BACH2: variants seen among roughly 807,000 people sequenced by gnomAD.
BACH2 encodes the protein BACH transcriptional regulator 2.
In BACH2, 5 loss-of-function variants were observed where a neutral mutation model predicts 61.8. That is an observed-to-expected ratio of 0.08 (90% CI 0.04 to 0.17). The LOEUF is 0.17. Ranked by LOEUF, BACH2 falls within the 10% of genes least tolerant of loss-of-function variation. The pLI, the probability that BACH2 is intolerant of heterozygous loss-of-function variation, is 1.00. For synonymous variants in BACH2, 446 were observed against 440.1 expected (o/e 1.01, Z -0.17); for missense variants, 824 against 1,091.1 (o/e 0.76, Z 3.45).
intron 2 of BACH2, among the ~76,000 whole-genome samples, chr6:90,254,231 T>C (rs1423156583): frequency 3.3e-5 from 5 of 151,350 alleles, no homozygotes; most frequent in Non-Finnish European, 5.9e-5. Context: ...AGTTGATGAA[T>C]AGAAATAAAT....
intron 4 of BACH2, among the ~76,000 whole-genome samples, chr6:90,199,248 C>T (rs1374987991): frequency 6.6e-6 from 1 of 152,098 alleles, no homozygotes; most frequent in Non-Finnish European, 1.5e-5. Flanking sequence ...AAAGAGAGAA[C>T]AACGGAAATG....
At chr6:90,194,021 A>C (rs930361936) in intron 4 of BACH2, among the ~76,000 whole-genome samples, 2 of 152,208 alleles carry the variant, frequency 1.3e-5, no homozygotes, top group Non-Finnish European at 2.9e-5. Context: ...AACAAGTCAC[A>C]ATGTCAAAGT....
chr6:90,046,805 CT>C (rs35251573), intron 5 of BACH2, among the ~76,000 whole-genome samples: 118 of 147,496 alleles, frequency 8.0e-4, no homozygotes, highest in African/African-American at 1.1e-3. Context: ...AATTTGGTGA[CT>C]TTTTTTTTTT....
chr6:89,932,931 G>A, intron 8 of BACH2, 41 bp from the exon 9 acceptor site: 1 of 1,522,358 alleles, frequency 6.6e-7, no homozygotes, highest in Non-Finnish European at 8.8e-7. Flanking sequence ...GATCAAGCCT[G>A]AACTGGAGGA....
chr6:90,256,659 TACA>T (rs1299113580), intron 2 of BACH2, among the ~76,000 whole-genome samples: 7 of 152,252 alleles, frequency 4.6e-5, no homozygotes, highest in African/African-American at 1.7e-4. Flanking sequence ...ATTTATGGTA[TACA>T]ACGTGATGTT....
At chr6:90,251,695 T>C (rs998547489) in intron 3 of BACH2, among the ~76,000 whole-genome samples, 3 of 152,190 alleles carry the variant, frequency 2.0e-5, no homozygotes, top group African/African-American at 7.2e-5. Context: ...GGGTGACTAA[T>C]GAAGATGCAA....
intron 5 of BACH2, among the ~76,000 whole-genome samples, chr6:90,048,094 C>T (rs1000653665): frequency 2.6e-5 from 4 of 151,880 alleles, no homozygotes; most frequent in Admixed American, 6.6e-5. Flanking sequence ...GTATAATAAC[C>T]GAGATTAGTT....
chr6:90,287,924 G>T (rs1772070506), intron 1 of BACH2, among the ~76,000 whole-genome samples: 1 of 152,162 alleles, frequency 6.6e-6, no homozygotes, highest in African/African-American at 2.4e-5. Flanking sequence ...ACTAGTTGAG[G>T]GGACTGGGTG....
intron 4 of BACH2, among the ~76,000 whole-genome samples, chr6:90,143,284 A>C (rs1196072119): frequency 6.6e-6 from 1 of 152,142 alleles, no homozygotes; most frequent in Non-Finnish European, 1.5e-5. Context: ...ATTAATAGTA[A>C]CATCGATGAC....
At chr6:90,002,508 C>A (rs1206434475) in intron 6 of BACH2, among the ~76,000 whole-genome samples, 1 of 152,164 alleles carries the variant, frequency 6.6e-6, no homozygotes, top group Admixed American at 6.5e-5. Context: ...TGGTGGCTCA[C>A]GCCTTAATCC....
intron 6 of BACH2, among the ~76,000 whole-genome samples, chr6:89,989,027 T>A (rs181288183): frequency 6.6e-6 from 1 of 152,208 alleles, no homozygotes; most frequent in Non-Finnish European, 1.5e-5. Context: ...ATGCTGTGCA[T>A]TGAGCAGTGG....
Position 89,929,628 on chromosome 6 carries a change from G to A in BACH2, c.*2780C>T, listed in dbSNP as rs1772529255. On this transcript the variant is annotated 3_prime_UTR_variant, in exon 9 of 9. Transcript: ENST00000257749. ...GAAGAGGAAGAAAAGCAAGGCAGGG[G>A]TGGGTGGGAGGAAGGTGAGGTCTGA... The A allele has an allele frequency of 6.6e-6, 1 of 152,370 alleles. No individual in the cohort carries two copies. The highest frequency in any genetic ancestry group is 1.5e-5 in the Non-Finnish European group (1 of 68,058). The allele number at this position is 152,370 out of a possible 1,614,324, so 9.4% of individuals were successfully genotyped here. A position where few individuals can be genotyped will look rare whatever the true frequency, so the allele number is the denominator to read the frequency against.
At chr6:90,250,609 C>T (rs1203791109) in intron 3 of BACH2, among the ~76,000 whole-genome samples, 1 of 152,114 alleles carries the variant, frequency 6.6e-6, no homozygotes, top group Non-Finnish European at 1.5e-5. Context: ...CTCCCTGCCC[C>T]AATGGTGCTT....
At position 90,243,189 on chromosome 6, in the gene BACH2, C is replaced by T. The variant is rs937523869; in HGVS notation, c.-275+9324G>A. On this transcript the variant is annotated intron_variant, in intron 3 of 8. Transcript: ENST00000257749. ...GATTACAGGCGTGAGCCAATGTGCC[C>T]GGCCCAAATTATCTGATTTCCACAG... Among the ~76,000 whole-genome samples, 7 of 151,760 alleles carry T rather than the reference C, an allele frequency of 4.6e-5. No individual in the cohort carries two copies. In the East Asian group the frequency reaches 5.8e-4, roughly 13 times the overall value.
At chr6:90,072,580 A>T (rs2127801973) in intron 5 of BACH2, among the ~76,000 whole-genome samples, 1 of 152,304 alleles carries the variant, frequency 6.6e-6, no homozygotes, top group East Asian at 1.9e-4. Context: ...CCACATGATA[A>T]TTCACGCATC....
intron 4 of BACH2, among the ~76,000 whole-genome samples, chr6:90,189,640 G>C (rs78230782): frequency 7.9e-6 from 1 of 126,544 alleles, no homozygotes; most frequent in Non-Finnish European, 1.7e-5. Context: ...AAAAAAAAAA[G>C]AGTGGGCTTC....
intron 2 of BACH2, among the ~76,000 whole-genome samples, chr6:90,257,301 T>C (rs1038033876): frequency 1.3e-5 from 2 of 152,208 alleles, no homozygotes; most frequent in African/African-American, 2.4e-5. Flanking sequence ...TAGAAACCTC[T>C]ATAACGTTTT....
intron 4 of BACH2, among the ~76,000 whole-genome samples, chr6:90,193,481 C>T (rs1263714174): frequency 1.3e-5 from 2 of 152,164 alleles, no homozygotes; most frequent in Non-Finnish European, 2.9e-5. Flanking sequence ...ACCAACCCTG[C>T]TGACACCTTG....
chr6:89,984,615 T>C (rs1239951136), intron 6 of BACH2, among the ~76,000 whole-genome samples: 1 of 152,206 alleles, frequency 6.6e-6, no homozygotes, highest in African/African-American at 2.4e-5. Flanking sequence ...CAATTTAGGA[T>C]AATAGGTGCT....
Sources: gnomAD v4.1 joint callset for allele counts (sites outside exome capture counted in the v4.1 genomes callset) on GRCh38, gnomAD v4.1.1 for gene constraint, MANE v1.5 for transcripts, NCBI Gene and HGNC (gene_info 2026-07-23, HGNC 2026-07-21) for gene names.